Variants in CHD9 observed in about 807,000 individuals in gnomAD.
CHD9 encodes the protein chromodomain helicase DNA binding protein 9, also known as ATP-dependent chromatin remodeler CHD9.
CHD9 carries 77 observed loss-of-function variants against 316.1 expected under a neutral mutation model. That is an observed-to-expected ratio of 0.24 (90% CI 0.20 to 0.29). The LOEUF (loss-of-function observed/expected upper bound fraction) is 0.29, where lower values mean the gene tolerates loss of function less well. Ranked by LOEUF, CHD9 falls within the 10% of genes least tolerant of loss-of-function variation. The pLI is 1.00. For missense variants in CHD9, 2,763 were observed against 3,438.1 expected, an observed-to-expected ratio of 0.80 and a Z score of 4.91; for synonymous variants, 1,129 against 1,158.3, an observed-to-expected ratio of 0.97 and a Z score of 0.51.
At chr16:53,222,369 G>A (rs1324668084) in intron 3 of CHD9, among the ~76,000 whole-genome samples, 1 of 152,156 alleles carries the variant, frequency 6.6e-6, no homozygotes, top group Non-Finnish European at 1.5e-5. Context: ...ACTGCGCCTG[G>A]CCTACTTGAC....
chr16:53,074,338 C>G (rs1343951532), intron 1 of CHD9, among the ~76,000 whole-genome samples: 1 of 152,158 alleles, frequency 6.6e-6, no homozygotes, highest in African/African-American at 2.4e-5. Flanking sequence ...AAATTTGCAG[C>G]CTGACAATGC....
In CHD9 at chr16:53,164,875, G is replaced by A. The variant is rs753199639; in HGVS notation, c.1452+7334G>A. The stretch of plus-strand genomic sequence containing the variant: ...TCTCCATGTTGCCCAGGTTGGTCTC[G>A]AACTTCTGACCTCAAGTGATCTGCC... On this transcript the variant is annotated intron_variant, in intron 2 of 38. Coordinates refer to ENST00000447540, the MANE Select transcript of CHD9 (RefSeq NM_001308319.2). Among the ~76,000 whole-genome samples, 6 of 151,926 alleles carry A rather than the reference G, an allele frequency of 3.9e-5. No homozygotes were observed. In the East Asian group the frequency reaches 1.2e-3, roughly 29 times the overall value.
chr16:53,225,976 A>G (rs1335352608), intron 4 of CHD9, among the ~76,000 whole-genome samples: 1 of 152,102 alleles, frequency 6.6e-6, no homozygotes, highest in African/African-American at 2.4e-5. Context: ...TAAAACAGAT[A>G]CCTTTTTATT....
chr16:53,263,776 T>A (rs936071859), intron 20 of CHD9, among the ~76,000 whole-genome samples: 7 of 152,120 alleles, frequency 4.6e-5, no homozygotes, highest in Non-Finnish European at 1.0e-4. Flanking sequence ...CCATAAGTAT[T>A]ATTGTTGAAT....
intron 24 of CHD9, 76 bp downstream of exon 24, chr16:53,274,378 G>A (rs2052582169): frequency 1.3e-5 from 10 of 794,790 alleles, no homozygotes; most frequent in South Asian, 9.4e-5. Context: ...GGGTTCAAGC[G>A]ATCCTCCCAC....
At chr16:53,153,670 A>G (rs962988430) in intron 1 of CHD9, among the ~76,000 whole-genome samples, 1 of 152,044 alleles carries the variant, frequency 6.6e-6, no homozygotes, top group African/African-American at 2.4e-5. Flanking sequence ...CTGGGACTAC[A>G]GGAATGCACT....
In CHD9 at chr16:53,268,074, T is replaced by C; in HGVS notation, c.4665T>C (p.Asp1555=). The change falls in exon 22 of 39, where the codon GAT becomes GAC. Residue 1555 remains aspartate, a synonymous_variant. Transcript: ENST00000447540. ...AGAAGATTAAAGGTTTCATATGGGA[T>C]CTCATTACTCCAACTGAAGATGGAC... The part of the protein sequence containing the change: ...GDEKIKGFIW[D]LITPTEDGQT... 6.2e-7 allele frequency: 1 copy of C among 1,613,008 alleles called. No homozygotes were observed. Among genetic ancestry groups the C allele is most frequent in the East Asian group, 2.2e-5 (1 of 44,780 alleles).
chr16:53,285,409 T>A (rs2053784220), intron 24 of CHD9, among the ~76,000 whole-genome samples, 187 bp from the exon 25 acceptor site: 1 of 152,210 alleles, frequency 6.6e-6, no homozygotes, highest in African/African-American at 2.4e-5. Context: ...TGTTCGTTTA[T>A]TTTATGGTAT....
At chr16:53,288,315 G>A (rs1265482289) in intron 27 of CHD9, among the ~76,000 whole-genome samples, 1 of 152,154 alleles carries the variant, frequency 6.6e-6, no homozygotes, top group Non-Finnish European at 1.5e-5. Context: ...AATCCCAAAG[G>A]AGAGTGAGAA....
chr16:53,258,307 C>G (rs892261401), intron 19 of CHD9, among the ~76,000 whole-genome samples: 3 of 152,100 alleles, frequency 2.0e-5, no homozygotes, highest in African/African-American at 7.2e-5. Context: ...CTCTAATGCT[C>G]TGAGAATTGA....
At chr16:53,082,438 A>G (rs1359678387) in intron 1 of CHD9, among the ~76,000 whole-genome samples, 3 of 152,028 alleles carry the variant, frequency 2.0e-5, no homozygotes, top group Non-Finnish European at 4.4e-5. Context: ...ACAGGGTTTC[A>G]TCATGTTGCC....
At chr16:53,225,322 A>G (rs1003177834) in intron 4 of CHD9, among the ~76,000 whole-genome samples, 3 of 152,178 alleles carry the variant, frequency 2.0e-5, no homozygotes, top group Admixed American at 6.5e-5. Context: ...AGATTTGCCA[A>G]ATATTGAGCA....
Position 53,180,142 on chromosome 16 carries a change from G to A in CHD9, c.1452+22601G>A, listed in dbSNP as rs372985000. Among the ~76,000 whole-genome samples the A allele has an allele frequency of 3.6e-4, 55 of 151,338 alleles. 1 individual carries two copies. The South Asian group carries it at 0.011, about 29-fold the overall frequency. On this transcript the variant is annotated intron_variant, in intron 2 of 38. Coordinates refer to ENST00000447540, the MANE Select transcript of CHD9 (RefSeq NM_001308319.2). ...CAGCCTCAGCCTCCCGAGTAGCTGG[G>A]ATTACAGTTGCCCACCACCACGCCC...
At chr16:53,097,403 C>A (rs1252711388) in intron 1 of CHD9, among the ~76,000 whole-genome samples, 1 of 145,764 alleles carries the variant, frequency 6.9e-6, no homozygotes, top group Admixed American at 6.9e-5. Context: ...TTCCTTCCTT[C>A]CTTCTTTCTC....
intron 2 of CHD9, among the ~76,000 whole-genome samples, chr16:53,201,475 G>A (rs992392062): frequency 6.6e-6 from 1 of 152,032 alleles, no homozygotes; most frequent in Admixed American, 6.5e-5. Context: ...TCAGCATGAA[G>A]TCTAGATATT....
intron 28 of CHD9, among the ~76,000 whole-genome samples, chr16:53,292,083 A>G (rs1368050173): frequency 1.3e-5 from 2 of 152,116 alleles, no homozygotes; most frequent in African/African-American, 4.8e-5. Flanking sequence ...TTTTCATTCT[A>G]TGTGTACATT....
intron 1 of CHD9, among the ~76,000 whole-genome samples, chr16:53,133,847 C>A (rs73590901): frequency 0.032 from 4,925 of 152,216 alleles, 100 homozygotes; most frequent in Middle Eastern, 0.071. Context: ...GCTAGACCTT[C>A]CTGGTTTACC....
chr16:53,268,526 G>A lies in CHD9; in HGVS notation c.4717+400G>A, dbSNP rs371452224. On this transcript the variant is annotated intron_variant, in intron 22 of 38. Transcript: ENST00000447540. The stretch of plus-strand genomic sequence containing the variant: ...AAAACAAGTTTCAGAGAAGATCCAT[G>A]TACCCTCCTCCTTGTGCATATAAAT... Among the ~76,000 whole-genome samples the A allele has an allele frequency of 5.0e-4, 76 of 152,252 alleles. 2 individuals carry two copies. The highest frequency in any genetic ancestry group is 3.1e-3 in the South Asian group (15 of 4,824).
chr16:53,237,758 C>A (rs2048753171), intron 11 of CHD9, among the ~76,000 whole-genome samples: 1 of 151,994 alleles, frequency 6.6e-6, no homozygotes, highest in South Asian at 2.1e-4. Context: ...ATCTGTGAAG[C>A]TTATTTTTGA....
Sources: gnomAD v4.1 joint callset for allele counts (sites outside exome capture counted in the v4.1 genomes callset) on GRCh38, gnomAD v4.1.1 for gene constraint, MANE v1.5 for transcripts, NCBI Gene and HGNC (gene_info 2026-07-23, HGNC 2026-07-21) for gene names.